Variants in ATRNL1 observed in about 807,000 individuals in gnomAD.
ATRNL1 encodes attractin like 1, also known as attractin-like protein 1.
ATRNL1 carries 95 observed loss-of-function variants against 182.7 expected under a neutral mutation model. The ratio of observed to expected loss-of-function variants is 0.52; its 90% CI spans 0.44 to 0.62. The LOEUF (loss-of-function observed/expected upper bound fraction) is 0.62. Among genes scored for constraint, ATRNL1 ranks in the 20% least tolerant of loss-of-function variants. The pLI, the probability that ATRNL1 is intolerant of heterozygous loss-of-function variation, is 0.00. For missense variants in ATRNL1, 1,471 were observed against 1,679.5 expected (o/e 0.88, Z 2.17); for synonymous variants, 576 against 568.3 (o/e 1.01, Z -0.19).
intron 24 of ATRNL1, among the ~76,000 whole-genome samples, chr10:115,477,685 A>G (rs756954052): frequency 9.9e-5 from 15 of 151,654 alleles, no homozygotes; most frequent in Non-Finnish European, 2.1e-4. Context: ...ATATTTGGTG[A>G]TCAAAAGTCA....
Position 115,918,037 on chromosome 10 carries a change from T to TA in ATRNL1, c.4019-26612dup, listed in dbSNP as rs1306453280. Among the ~76,000 whole-genome samples the TA allele has an allele frequency of 3.1e-4, 46 of 148,378 alleles. 2 individuals carry two copies. The East Asian group carries it at 4.9e-3, about 16-fold the overall frequency. ...AAATGTTTATTGCCTTGCTGCAAAATAAAAAAAAATCTCAGATTTGTGTGA... is the reference window on the plus strand; with the variant it reads ...AAATGTTTATTGCCTTGCTGCAAAATAAAAAAAAAATCTCAGATTTGTGTGA... On this transcript the variant is annotated intron_variant, in intron 28 of 28. Coordinates refer to ENST00000355044, the MANE Select transcript of ATRNL1 (RefSeq NM_207303.4).
chr10:115,133,443 G>C (rs1845355112), intron 5 of ATRNL1, among the ~76,000 whole-genome samples: 1 of 152,184 alleles, frequency 6.6e-6, no homozygotes, highest in Non-Finnish European at 1.5e-5. Flanking sequence ...CATCAAAAGA[G>C]ATAAAGAAGG....
chr10:115,226,935 A>G (rs1468785264), intron 9 of ATRNL1, among the ~76,000 whole-genome samples: 1 of 152,172 alleles, frequency 6.6e-6, no homozygotes, highest in Non-Finnish European at 1.5e-5. Context: ...CTCAAAATGG[A>G]TCAAAGATTG....
intron 20 of ATRNL1, among the ~76,000 whole-genome samples, chr10:115,408,969 C>T (rs2134331204): frequency 6.6e-6 from 1 of 152,256 alleles, no homozygotes; most frequent in African/African-American, 2.4e-5. Context: ...TTGGTTAGTA[C>T]TACTTTGTGG....
intron 25 of ATRNL1, among the ~76,000 whole-genome samples, chr10:115,527,507 G>T (rs1851284498): frequency 6.6e-6 from 1 of 151,888 alleles, no homozygotes; most frequent in Admixed American, 6.6e-5. Flanking sequence ...TGTAAAAAAT[G>T]ATTTTGGTAA....
At chr10:115,828,956 C>T (rs1401047226) in intron 27 of ATRNL1, among the ~76,000 whole-genome samples, 1 of 152,170 alleles carries the variant, frequency 6.6e-6, no homozygotes, top group Non-Finnish European at 1.5e-5. Flanking sequence ...AAGGTGTCTA[C>T]ATGCTGATAG....
chr10:115,404,567 T>G (rs1554957757), intron 20 of ATRNL1, among the ~76,000 whole-genome samples: 1 of 152,210 alleles, frequency 6.6e-6, no homozygotes, highest in East Asian at 1.9e-4. Flanking sequence ...GGAATCAAAC[T>G]TATTGTATAG....
chr10:115,566,399 G>A (rs565389020), intron 26 of ATRNL1, among the ~76,000 whole-genome samples: 45 of 152,226 alleles, frequency 3.0e-4, no homozygotes, highest in African/African-American at 1.1e-3. Flanking sequence ...CATAAATTAA[G>A]CAGTAAATCA....
intron 15 of ATRNL1, among the ~76,000 whole-genome samples, chr10:115,288,978 C>G (rs1183109058): frequency 6.6e-6 from 1 of 152,118 alleles, no homozygotes; most frequent in African/African-American, 2.4e-5. Context: ...TCCTATTAGT[C>G]TGTTTTCATG....
At chr10:115,896,470 T>C (rs1952212174) in intron 28 of ATRNL1, among the ~76,000 whole-genome samples, 1 of 152,158 alleles carries the variant, frequency 6.6e-6, no homozygotes, top group Non-Finnish European at 1.5e-5. Context: ...AAAGGATGCC[T>C]TGAAAAACTG....
At chr10:115,745,667 G>A (rs1352120572) in intron 27 of ATRNL1, among the ~76,000 whole-genome samples, 5 of 152,132 alleles carry the variant, frequency 3.3e-5, no homozygotes, top group African/African-American at 9.7e-5. Flanking sequence ...TCTAATGACT[G>A]TGTGATGGTA....
Position 115,924,727 on chromosome 10 carries a change from T to C in ATRNL1, c.4019-19931T>C, listed in dbSNP as rs570142745. 1.7e-4 allele frequency among the ~76,000 whole-genome samples: 26 copies of C among 152,358 alleles called. 2 individuals are homozygous for C. The South Asian group carries it at 5.4e-3, about 32-fold the overall frequency. ...TTTTTGCTTAGGATTGTCTTGGCTCTACAGGGTCTTCTTTGATTCCATGTG... is the reference window on the plus strand; with the variant it reads ...TTTTTGCTTAGGATTGTCTTGGCTCCACAGGGTCTTCTTTGATTCCATGTG... On this transcript the variant is annotated intron_variant, in intron 28 of 28. Transcript: ENST00000355044.
chr10:115,448,854 C>CAA (rs1847142999), intron 21 of ATRNL1, among the ~76,000 whole-genome samples: 113 of 150,212 alleles, frequency 7.5e-4, no homozygotes, highest in Non-Finnish European at 9.3e-4. Flanking sequence ...AGCGTGCCAA[C>CAA]CAACAACAAC....
At chr10:115,220,871 A>G (rs1554897318) in intron 9 of ATRNL1, among the ~76,000 whole-genome samples, 1 of 152,112 alleles carries the variant, frequency 6.6e-6, no homozygotes, top group Non-Finnish European at 1.5e-5. Context: ...GATGCAGCTT[A>G]ATTATCACTT....
intron 28 of ATRNL1, among the ~76,000 whole-genome samples, chr10:115,912,778 CAATT>C (rs1410304159): frequency 6.6e-5 from 10 of 152,090 alleles, no homozygotes; most frequent in Non-Finnish European, 1.5e-5. Flanking sequence ...ATGTCAACCA[CAATT>C]AATTCTCCTG....
At chr10:115,222,902 T>A (rs1300225699) in intron 9 of ATRNL1, among the ~76,000 whole-genome samples, 2 of 152,278 alleles carry the variant, frequency 1.3e-5, no homozygotes, top group South Asian at 2.1e-4. Flanking sequence ...GCTATAGTAA[T>A]AATAGTGGCT....
At chr10:115,765,591 C>T (rs1948837456) in intron 27 of ATRNL1, among the ~76,000 whole-genome samples, 1 of 152,176 alleles carries the variant, frequency 6.6e-6, no homozygotes, top group Non-Finnish European at 1.5e-5. Context: ...TGTAACTTGT[C>T]TTCTTACTCT....
intron 27 of ATRNL1, among the ~76,000 whole-genome samples, chr10:115,740,646 C>T (rs1948110992): frequency 6.6e-6 from 1 of 152,108 alleles, no homozygotes. Flanking sequence ...GCTGGGAATA[C>T]AGGCACACAC....
At chr10:115,658,331 G>T (rs1860466584) in intron 26 of ATRNL1, among the ~76,000 whole-genome samples, 1 of 151,460 alleles carries the variant, frequency 6.6e-6, no homozygotes, top group Admixed American at 6.6e-5. Context: ...CTACTCATTT[G>T]TAATAATACA....
Sources: gnomAD v4.1 joint callset for allele counts (sites outside exome capture counted in the v4.1 genomes callset) on GRCh38, gnomAD v4.1.1 for gene constraint, MANE v1.5 for transcripts, NCBI Gene and HGNC (gene_info 2026-07-23, HGNC 2026-07-21) for gene names.